VWA3A: variants seen among roughly 807,000 people sequenced by gnomAD.
VWA3A encodes the protein von Willebrand factor A domain containing 3A.
In VWA3A, 134 loss-of-function variants were observed where a neutral mutation model predicts 160.4. The ratio of observed to expected loss-of-function variants is 0.84; its 90% CI spans 0.73 to 0.96. The LOEUF is 0.96. Ranked by LOEUF, VWA3A falls within the 40% of genes least tolerant of loss-of-function variation. The probability of loss-of-function intolerance (pLI) is 0.00; values close to 1 mark genes in which losing one functional copy is unlikely to be tolerated. For missense variants in VWA3A, 1,310 were observed against 1,447.9 expected, an observed-to-expected ratio of 0.90 and a Z score of 1.55; for synonymous variants, 476 against 543.4, an observed-to-expected ratio of 0.88 and a Z score of 1.72.
intron 3 of VWA3A, 77 bp downstream of exon 3, chr16:22,097,772 G>A (rs2045348902): frequency 6.6e-7 from 1 of 1,516,740 alleles, no homozygotes; most frequent in African/African-American, 1.4e-5. Flanking sequence ...AAATTCTGGG[G>A]ATTTCTTCCT....
Position 22,115,406 on chromosome 16 carries a change from T to C in VWA3A, c.749T>C (p.Leu250Pro), listed in dbSNP as rs1429651534. The change falls in exon 9 of 34, where the codon CTA becomes CCA. Residue 250 changes from leucine (L) to proline (P), a missense_variant. By Grantham distance (98) the Leu-to-Pro change is moderately conservative. Coordinates refer to ENST00000389398, the MANE Select transcript of VWA3A (RefSeq NM_173615.5). Reference sequence around the variant, plus strand: ...CAGCCTGATGGAGGCAGCAACCTGCTACAAGCTCTGAAGAAGATCTTCACT... The same window carrying C: ...CAGCCTGATGGAGGCAGCAACCTGCCACAAGCTCTGAAGAAGATCTTCACT... Reference protein sequence around the residue: ...TLQPDGGSNLLQALKKIFTLK... With the variant: ...TLQPDGGSNLPQALKKIFTLK... 1 of 1,604,268 alleles carries C rather than the reference T, an allele frequency of 6.2e-7. No individual in the cohort carries two copies. Among genetic ancestry groups the C allele is most frequent in the Non-Finnish European group, 8.5e-7 (1 of 1,175,438 alleles).
At chr16:22,123,365 A>C in intron 15 of VWA3A, 200 bp downstream of exon 15, 1 of 1,300,934 alleles carries the variant, frequency 7.7e-7, no homozygotes. Flanking sequence ...AAAAAAAAAA[A>C]GGCTTCTAAT....
chr16:22,115,166 C>T (rs1598058934), intron 8 of VWA3A, among the ~76,000 whole-genome samples, 181 bp from the exon 9 acceptor site: 1 of 152,184 alleles, frequency 6.6e-6, no homozygotes, highest in Admixed American at 6.5e-5. Flanking sequence ...GTCTCAGCTA[C>T]GTGGGAGGCT....
Position 22,131,231 on chromosome 16 carries a change from G to T in VWA3A, c.1679G>T (p.Arg560Met), listed in dbSNP as rs760507344. 6.2e-7 allele frequency: 1 copy of T among 1,614,006 alleles called. No individual in the cohort carries two copies. Among genetic ancestry groups the T allele is most frequent in the Non-Finnish European group, 8.5e-7 (1 of 1,179,904 alleles). ...TTTGGAAGCACAATTGAAAGCTGGAGGCCTGAGATGGTTCCCGTGAGTCAC... is the reference window on the plus strand; with the variant it reads ...TTTGGAAGCACAATTGAAAGCTGGATGCCTGAGATGGTTCCCGTGAGTCAC... ...IAFGSTIESW[R>M]PEMVPVSHNN... is the part of the protein sequence containing the mutation. Residue 560 changes from arginine to methionine, a missense_variant, in exon 18 of 34, where the codon AGG becomes ATG. Coordinates refer to ENST00000389398, the MANE Select transcript of VWA3A (RefSeq NM_173615.5).
In VWA3A at chr16:22,123,660, G is replaced by T. The variant is rs750247826; in HGVS notation, c.1485G>T (p.Trp495Cys). ...AMRMYERRIE[W>C]LSLASRRIWG... ...GGATGTATGAGAGGCGGATTGAGTGGCTCTCCCTGGCCAGCAGAAGAATCT... is the reference window on the plus strand; with the variant it reads ...GGATGTATGAGAGGCGGATTGAGTGTCTCTCCCTGGCCAGCAGAAGAATCT... The change falls in exon 16 of 34, where the codon TGG becomes TGT. Residue 495 changes from tryptophan to cysteine, a missense_variant. Physicochemically the swap from Trp to Cys is radical, Grantham distance 215. Coordinates refer to ENST00000389398, the MANE Select transcript of VWA3A (RefSeq NM_173615.5). 1.5e-5 allele frequency: 25 copies of T among 1,613,836 alleles called. No homozygotes were observed. The highest frequency in any genetic ancestry group is 1.9e-5 in the Non-Finnish European group (22 of 1,179,878).
At chr16:22,134,473 CT>C in intron 21 of VWA3A, 35 bp downstream of exon 21, 1 of 1,525,830 alleles carries the variant, frequency 6.6e-7, no homozygotes, top group Admixed American at 2.1e-5. Context: ...ACTGCACTGC[CT>C]TTTGTATTCA....
chr16:22,104,660 A>T (rs1345257894), intron 6 of VWA3A, among the ~76,000 whole-genome samples: 1 of 152,180 alleles, frequency 6.6e-6, no homozygotes, highest in Admixed American at 6.5e-5. Context: ...AGCCTGGGCA[A>T]CAGAGCAAGA....
intron 28 of VWA3A, 60 bp downstream of exon 28, chr16:22,148,366 AAG>A: frequency 6.5e-7 from 1 of 1,527,730 alleles, no homozygotes; most frequent in Non-Finnish European, 8.8e-7. Context: ...TTCCCTGGCC[AAG>A]CACGCCCCCT....
In VWA3A at chr16:22,110,998, AG is replaced by A; in HGVS notation, c.689+5del. ...CCATGGAAGTCAGCGCCTCCACGTG[AG>A]TGGCTTTCCTACCTGACGGTGATGT... On this transcript the variant is annotated splice_donor_5th_base_variant and intron_variant, in intron 8 of 33. Transcript: ENST00000389398. The A allele has an allele frequency of 6.3e-7, 1 of 1,598,212 alleles. No homozygotes were observed. The highest frequency in any genetic ancestry group is 8.5e-7 in the Non-Finnish European group (1 of 1,172,546).
intron 9 of VWA3A, chr16:22,116,309 A>G: frequency 2.3e-6 from 1 of 432,546 alleles, no homozygotes; most frequent in East Asian, 7.1e-5. Flanking sequence ...GAGAGAAAAA[A>G]GAGAAAGGAA....
At chr16:22,148,837 AG>A (rs1445732087) in intron 28 of VWA3A, among the ~76,000 whole-genome samples, 11 of 152,342 alleles carry the variant, frequency 7.2e-5, no homozygotes, top group African/African-American at 2.6e-4. Context: ...AGCACAGCAA[AG>A]GAACTACCAT....
chr16:22,119,111 G>A lies in VWA3A; in HGVS notation c.1116+84G>A, dbSNP rs569930697. On this transcript the variant is annotated intron_variant, in intron 12 of 33. Coordinates refer to ENST00000389398, the MANE Select transcript of VWA3A (RefSeq NM_173615.5). ...TTCCCCTTTCTCACCTGTTCATAGG[G>A]GGCACAGCTGCCAGTGCCTGTCACT... The A allele has an allele frequency of 2.7e-6, 4 of 1,473,298 alleles. No individual in the cohort carries two copies. In the East Asian group the frequency reaches 1.0e-4, roughly 38 times the overall value. The allele number at this position is 1,473,298 out of a possible 1,614,324, so 91.3% of individuals were successfully genotyped here. A position where few individuals can be genotyped will look rare whatever the true frequency, so the allele number is the denominator to read the frequency against.
At chr16:22,108,294 T>G in intron 6 of VWA3A, among the ~76,000 whole-genome samples, 1 of 152,204 alleles carries the variant, frequency 6.6e-6, no homozygotes, top group Non-Finnish European at 1.5e-5. Context: ...AATTGTACAA[T>G]CAATAGGAAT....
At chr16:22,111,092 C>A in intron 8 of VWA3A, 98 bp downstream of exon 8, 4 of 1,054,284 alleles carry the variant, frequency 3.8e-6, no homozygotes, top group Non-Finnish European at 5.4e-6. Flanking sequence ...AACCCCAGGA[C>A]CCTACTAGAT....
chr16:22,131,847 T>G (rs1598085043), intron 19 of VWA3A, 118 bp downstream of exon 19: 2 of 1,376,482 alleles, frequency 1.5e-6, no homozygotes, highest in East Asian at 5.0e-5. Context: ...TTCTCAAACT[T>G]TAATGTATAG....
At chr16:22,136,200 A>G (rs1181796970) in intron 21 of VWA3A, among the ~76,000 whole-genome samples, 1 of 152,200 alleles carries the variant, frequency 6.6e-6, no homozygotes, top group Non-Finnish European at 1.5e-5. Flanking sequence ...AGCAATGACT[A>G]TCTAAGGAAG....
At chr16:22,143,109 C>T (rs551479074) in intron 25 of VWA3A, among the ~76,000 whole-genome samples, 2 of 149,162 alleles carry the variant, frequency 1.3e-5, no homozygotes, top group Non-Finnish European at 1.5e-5. Flanking sequence ...AAGATTGTGC[C>T]GCTGCACTCC....
At chr16:22,118,073 G>A (rs576374247) in intron 11 of VWA3A, among the ~76,000 whole-genome samples, 7 of 152,252 alleles carry the variant, frequency 4.6e-5, no homozygotes, top group African/African-American at 1.7e-4. Flanking sequence ...TTGAGGCCAC[G>A]AGTTTGAGAC....
chr16:22,120,374 T>C (rs1347396736), intron 12 of VWA3A, among the ~76,000 whole-genome samples: 1 of 152,174 alleles, frequency 6.6e-6, no homozygotes, highest in East Asian at 1.9e-4. Context: ...TAGATCTTCT[T>C]TCTAAAATTG....
Sources: gnomAD v4.1 joint callset for allele counts (sites outside exome capture counted in the v4.1 genomes callset) on GRCh38, gnomAD v4.1.1 for gene constraint, MANE v1.5 for transcripts, NCBI Gene and HGNC (gene_info 2026-07-23, HGNC 2026-07-21) for gene names.